The following ANKRD29 variants were observed in gnomAD, a reference collection of about 807,000 sequenced individuals.
ANKRD29 encodes ankyrin repeat domain-containing protein 29.
Under a neutral mutation model 38.0 loss-of-function variants are expected in ANKRD29, and 32 were observed. The observed-to-expected ratio is 0.84, with a 90% CI of 0.64 to 1.13. The LOEUF is 1.13. Ranked by LOEUF, ANKRD29 falls within the 50% of genes most tolerant of loss-of-function variation. The pLI is 0.00. For missense variants in ANKRD29, 357 were observed against 377.9 expected (o/e 0.94, Z 0.46); for synonymous variants, 135 against 152.4 (o/e 0.89, Z 0.84).
chr18:23,610,788 C>A (rs1478865763), intron 9 of ANKRD29, among the ~76,000 whole-genome samples: 1 of 152,118 alleles, frequency 6.6e-6, no homozygotes, highest in Non-Finnish European at 1.5e-5. Context: ...TCAGGTAATC[C>A]TCCCACCTCA....
chr18:23,641,564 G>A (rs566656015), intron 3 of ANKRD29, among the ~76,000 whole-genome samples: 1 of 152,376 alleles, frequency 6.6e-6, no homozygotes, highest in Non-Finnish European at 1.5e-5. Context: ...GCACAGGAGG[G>A]AGGCTGAGGG....
intron 8 of ANKRD29, among the ~76,000 whole-genome samples, chr18:23,617,244 A>C (rs920566462): frequency 6.6e-6 from 1 of 152,132 alleles, no homozygotes; most frequent in African/African-American, 2.4e-5. Context: ...CAAAACAAAA[A>C]GATCAAAACT....
At position 23,638,951 on chromosome 18, in the gene ANKRD29, G is replaced by A; in HGVS notation, c.232-4C>T. On this transcript the variant is annotated splice_region_variant and splice_polypyrimidine_tract_variant and intron_variant, in intron 3 of 9. Coordinates refer to ENST00000592179, the MANE Select transcript of ANKRD29 (RefSeq NM_173505.4). Reference sequence around the variant, plus strand: ...AGAATAGGGCAGTTGTACCTGACTGGGAGAGAGGGAGAGGCTAGTTTTAAA... The same window carrying A: ...AGAATAGGGCAGTTGTACCTGACTGAGAGAGAGGGAGAGGCTAGTTTTAAA... The A allele has an allele frequency of 6.3e-7, 1 of 1,584,696 alleles. No individual in the cohort carries two copies. The highest frequency in any genetic ancestry group is 8.6e-7 in the Non-Finnish European group (1 of 1,165,824).
chr18:23,624,626 G>T (rs1386400531), intron 6 of ANKRD29, among the ~76,000 whole-genome samples: 2 of 151,994 alleles, frequency 1.3e-5, no homozygotes, highest in East Asian at 1.9e-4. Flanking sequence ...GTGATAGAAA[G>T]AAGACAGATG....
chr18:23,649,393 A>G (rs1478408374), intron 1 of ANKRD29, 200 bp from the exon 2 acceptor site: 1 of 705,222 alleles, frequency 1.4e-6, no homozygotes, highest in Non-Finnish European at 2.6e-6. Flanking sequence ...CCACATGGCT[A>G]TGAAGAGCAG....
chr18:23,644,662 C>T (rs2060116668), intron 3 of ANKRD29, among the ~76,000 whole-genome samples: 1 of 152,174 alleles, frequency 6.6e-6, no homozygotes, highest in Non-Finnish European at 1.5e-5. Flanking sequence ...TGGTCCACAG[C>T]CAAGGCCTCC....
chr18:23,600,088 A>G lies in ANKRD29; in HGVS notation c.*1138T>C, dbSNP rs1043752858. 2.0e-5 allele frequency: 3 copies of G among 152,526 alleles called. No individual in the cohort carries two copies. Among genetic ancestry groups the G allele is most frequent in the African/African-American group, 7.2e-5 (3 of 41,466 alleles). The allele number at this position is 152,526 out of a possible 1,614,324, so 9.4% of individuals were successfully genotyped here. ...AGGTTTTATTTTTGTATGTGCAGTT[A>G]GGCACTGACTGAGGCATTTAGACAC... On this transcript the variant is annotated 3_prime_UTR_variant, in exon 10 of 10. Coordinates refer to ENST00000592179, the MANE Select transcript of ANKRD29 (RefSeq NM_173505.4).
chr18:23,612,918 T>C (rs1446629645), intron 8 of ANKRD29, among the ~76,000 whole-genome samples: 2 of 152,168 alleles, frequency 1.3e-5, no homozygotes, highest in African/African-American at 4.8e-5. Context: ...GACATGGTTC[T>C]AGAGGGTACA....
rs151118762 is a variant in ANKRD29, at chr18:23,621,005, G to A, written c.529-1376C>T. On this transcript the variant is annotated intron_variant, in intron 6 of 9. Transcript: ENST00000592179. ...ACCCTGGGGTGTAAGAGTGCAGGACGCTTGTGGACCAGCACAAGGGCCACG... is the reference window on the plus strand; with the variant it reads ...ACCCTGGGGTGTAAGAGTGCAGGACACTTGTGGACCAGCACAAGGGCCACG... 3.1e-3 allele frequency among the ~76,000 whole-genome samples: 470 copies of A among 152,238 alleles called. 2 individuals carry two copies. The highest frequency in any genetic ancestry group is 0.011 in the African/African-American group (441 of 41,530).
At position 23,662,878 on chromosome 18, in the gene ANKRD29, C is replaced by A. The variant is rs901852370; in HGVS notation, c.-148G>T. Reference sequence around the variant, plus strand: ...TCCCGCCGCCCGGCCCGGCAGCAGCCGCCGCACACAGGGCCGGGCCGAAGG... The same window carrying A: ...TCCCGCCGCCCGGCCCGGCAGCAGCAGCCGCACACAGGGCCGGGCCGAAGG... On this transcript the variant is annotated 5_prime_UTR_variant, in exon 1 of 10. Transcript: ENST00000592179. The A allele has an allele frequency of 1.8e-5, 12 of 659,424 alleles. No homozygotes were observed. Among genetic ancestry groups the A allele is most frequent in the African/African-American group, 1.8e-4 (9 of 50,972 alleles). The allele number at this position is 659,424 out of a possible 1,614,324, so 40.8% of individuals were successfully genotyped here. A position where few individuals can be genotyped will look rare whatever the true frequency, so the allele number is the denominator to read the frequency against.
At position 23,612,080 on chromosome 18, in the gene ANKRD29, C is replaced by T. The variant is rs190281836; in HGVS notation, c.822+12G>A. 2.6e-3 allele frequency: 4,173 copies of T among 1,612,270 alleles called. 168 individuals are homozygous for T. In the Admixed American group the frequency reaches 0.064, roughly 25 times the overall value. Reference sequence around the variant, plus strand: ...TGGGCCCAAACGAGTTAAAAGATTGCTTAGTGGGTACCTTGTTTCTCAGGG... The same window carrying T: ...TGGGCCCAAACGAGTTAAAAGATTGTTTAGTGGGTACCTTGTTTCTCAGGG... On this transcript the variant is annotated intron_variant, in intron 9 of 9. Transcript: ENST00000592179.
chr18:23,656,048 C>G (rs1470980597), intron 1 of ANKRD29, among the ~76,000 whole-genome samples: 16 of 148,738 alleles, frequency 1.1e-4, no homozygotes, highest in Admixed American at 2.0e-4. Context: ...AGCCGAGATC[C>G]CGCCACTGCA....
intron 1 of ANKRD29, among the ~76,000 whole-genome samples, chr18:23,661,565 G>A (rs897486877): frequency 4.6e-5 from 7 of 152,128 alleles, no homozygotes; most frequent in Non-Finnish European, 8.8e-5. Context: ...AAAATTAGCT[G>A]GGCATGGTGG....
Position 23,617,165 on chromosome 18 carries a change from C to T in ANKRD29, c.723+567G>A, listed in dbSNP as rs1322615304. Among the ~76,000 whole-genome samples, 3 of 152,168 alleles carry T rather than the reference C, an allele frequency of 2.0e-5. No individual in the cohort carries two copies. In the East Asian group the frequency reaches 5.8e-4, roughly 29 times the overall value. ...CTGGGAGGCAGAGGTTGCAGTGAGCCGAGATCGTGCCATTGCACTCCAGTC... is the reference window on the plus strand; with the variant it reads ...CTGGGAGGCAGAGGTTGCAGTGAGCTGAGATCGTGCCATTGCACTCCAGTC... On this transcript the variant is annotated intron_variant, in intron 8 of 9. Transcript: ENST00000592179.
At chr18:23,639,254 G>T (rs1185791978) in intron 3 of ANKRD29, among the ~76,000 whole-genome samples, 1 of 152,116 alleles carries the variant, frequency 6.6e-6, no homozygotes, top group African/African-American at 2.4e-5. Flanking sequence ...GCTTATCCTG[G>T]GTTATCTGGG....
chr18:23,603,731 A>G (rs908046064), intron 9 of ANKRD29, among the ~76,000 whole-genome samples: 3 of 152,246 alleles, frequency 2.0e-5, no homozygotes, highest in African/African-American at 7.2e-5. Context: ...TCTTTCAAGT[A>G]AAAATAGTGA....
chr18:23,639,964 GAA>G (rs199905053), intron 3 of ANKRD29, among the ~76,000 whole-genome samples: 2 of 152,174 alleles, frequency 1.3e-5, no homozygotes, highest in African/African-American at 4.8e-5. Flanking sequence ...TTTACAAAAT[GAA>G]AAGAGTTATA....
At chr18:23,629,576 A>C (rs2059903762) in intron 6 of ANKRD29, among the ~76,000 whole-genome samples, 1 of 152,260 alleles carries the variant, frequency 6.6e-6, no homozygotes, top group Admixed American at 6.5e-5. Flanking sequence ...AGGAGGTGGC[A>C]GAGTGTGTAC....
At chr18:23,642,155 G>T (rs573492784) in intron 3 of ANKRD29, among the ~76,000 whole-genome samples, 1 of 151,916 alleles carries the variant, frequency 6.6e-6, no homozygotes, top group Non-Finnish European at 1.5e-5. Flanking sequence ...TCTTGGATGC[G>T]GGACAAGAAT....
Sources: gnomAD v4.1 joint callset for allele counts (sites outside exome capture counted in the v4.1 genomes callset) on GRCh38, gnomAD v4.1.1 for gene constraint, MANE v1.5 for transcripts, NCBI Gene and HGNC (gene_info 2026-07-23, HGNC 2026-07-21) for gene names.